The following ST7L variants were observed in gnomAD, a reference collection of about 807,000 sequenced individuals.
The protein encoded by ST7L is suppressor of tumorigenicity 7 protein-like.
A neutral mutation model predicts 72.5 loss-of-function variants in ST7L; 57 were observed. The ratio of observed to expected loss-of-function variants is 0.79; its 90% CI spans 0.64 to 0.98. The LOEUF is 0.98. Ranked by LOEUF, ST7L falls within the 50% of genes least tolerant of loss-of-function variation. The pLI, the probability that ST7L is intolerant of heterozygous loss-of-function variation, is 0.00. For missense variants in ST7L, 576 were observed against 672.2 expected, an observed-to-expected ratio of 0.86 and a Z score of 1.58; for synonymous variants, 221 against 240.9, an observed-to-expected ratio of 0.92 and a Z score of 0.77.
chr1:112,569,448 T>G (rs1661676608), intron 11 of ST7L, among the ~76,000 whole-genome samples: 1 of 152,210 alleles, frequency 6.6e-6, no homozygotes, highest in African/African-American at 2.4e-5. Flanking sequence ...AGGCCACTAT[T>G]ATACGATTCA....
At chr1:112,520,174 C>A (rs1247545249), downstream of ST7L, 3 of 1,152,890 alleles carry the variant, frequency 2.6e-6, no homozygotes, top group African/African-American at 1.5e-5. Context: ...CTGTGCCCAG[C>A]CCAAAAAAGC....
chr1:112,536,769 A>G (rs1475327993), intron 14 of ST7L, among the ~76,000 whole-genome samples: 3 of 152,126 alleles, frequency 2.0e-5, no homozygotes. Flanking sequence ...CATCATTGGC[A>G]TGTCCAACCA....
At chr1:112,579,034 TTA>T (rs1374168326) in intron 9 of ST7L, among the ~76,000 whole-genome samples, 1 of 152,086 alleles carries the variant, frequency 6.6e-6, no homozygotes, top group African/African-American at 2.4e-5. Flanking sequence ...CGAGATGAAA[TTA>T]TGTCTATGAA....
intron 2 of ST7L, among the ~76,000 whole-genome samples, chr1:112,615,463 C>G: frequency 6.6e-6 from 1 of 152,148 alleles, no homozygotes; most frequent in African/African-American, 2.4e-5. Context: ...CTTGAAAAAA[C>G]TGTAAGTTGA....
chr1:112,604,874 T>C (rs1302066249), intron 3 of ST7L, among the ~76,000 whole-genome samples: 1 of 115,144 alleles, frequency 8.7e-6, no homozygotes, highest in East Asian at 2.6e-4. Context: ...TCACCTGAGG[T>C]CAGGTGTTCA....
At position 112,576,985 on chromosome 1, in the gene ST7L, C is replaced by G. The variant is rs1663203206; in HGVS notation, c.1245+1G>C. On this transcript the variant is annotated splice_donor_variant, in intron 11 of 14. Transcript: ENST00000358039. LOFTEE classifies it high-confidence loss of function. Reference sequence around the variant, plus strand: ...AGTATTTTTATCATAAAATTTCTCACTTTTGGAACATGAGGATTAAATTCC... The same window carrying G: ...AGTATTTTTATCATAAAATTTCTCAGTTTTGGAACATGAGGATTAAATTCC... The G allele has an allele frequency of 1.9e-6, 3 of 1,594,258 alleles. No homozygotes were observed. Among genetic ancestry groups the G allele is most frequent in the Non-Finnish European group, 2.6e-6 (3 of 1,168,496 alleles).
chr1:112,571,489 T>C (rs7542820), intron 11 of ST7L: 55,307 of 243,518 alleles, frequency 0.23, 6,862 homozygotes, highest in Middle Eastern at 0.27. Context: ...TACAATGGCA[T>C]GATCTTGGCT....
chr1:112,586,368 G>C (rs1328620002), intron 6 of ST7L, among the ~76,000 whole-genome samples: 1 of 152,130 alleles, frequency 6.6e-6, no homozygotes, highest in East Asian at 1.9e-4. Context: ...TTAAGGCCAG[G>C]AGTTTGAGGT....
chr1:112,556,058 A>G (rs777345056), intron 11 of ST7L, 40 bp from the exon 12 acceptor site: 382 of 1,356,946 alleles, frequency 2.8e-4, no homozygotes, highest in Non-Finnish European at 3.6e-4. Context: ...ACACAACAGA[A>G]AAAAGAAAAA....
At chr1:112,556,477 TCTTA>T (rs1048203052) in intron 11 of ST7L, among the ~76,000 whole-genome samples, 19 of 152,330 alleles carry the variant, frequency 1.2e-4, no homozygotes, top group East Asian at 9.6e-4. Flanking sequence ...TTCTTTTTTC[TCTTA>T]CTTACATTTT....
intron 14 of ST7L, among the ~76,000 whole-genome samples, chr1:112,534,983 T>A (rs991787340): frequency 1.3e-5 from 2 of 152,188 alleles, no homozygotes; most frequent in African/African-American, 4.8e-5. Context: ...GTGAACCTCA[T>A]ACTTGACAGG....
chr1:112,544,848 T>A (rs1162547602), intron 13 of ST7L, among the ~76,000 whole-genome samples: 1 of 152,248 alleles, frequency 6.6e-6, no homozygotes, highest in Non-Finnish European at 1.5e-5. Context: ...GATTGCTTTC[T>A]GTAGATTCAT....
At chr1:112,598,206 A>G in intron 4 of ST7L, 120 bp from the exon 5 acceptor site, 1 of 597,600 alleles carries the variant, frequency 1.7e-6, no homozygotes, top group African/African-American at 1.9e-5. Flanking sequence ...AAAATCTTAC[A>G]ATCAGTAAAA....
chr1:112,520,275 C>A, downstream of ST7L: 1 of 1,613,088 alleles, frequency 6.2e-7, no homozygotes, highest in Non-Finnish European at 8.5e-7. Flanking sequence ...TCTTCCCCAA[C>A]CCAGGTTCCC....
intron 11 of ST7L, among the ~76,000 whole-genome samples, chr1:112,564,348 T>A (rs879601347): frequency 4.6e-5 from 7 of 152,232 alleles, no homozygotes; most frequent in Admixed American, 4.6e-4. Context: ...CAGTACAACA[T>A]AAGGGAAAGG....
At chr1:112,594,178 CAA>C (rs2101974145) in intron 5 of ST7L, among the ~76,000 whole-genome samples, 1 of 138,546 alleles carries the variant, frequency 7.2e-6, no homozygotes, top group South Asian at 2.4e-4. Context: ...CTGCTCACTG[CAA>C]AGATATGTTC....
intron 1 of ST7L, among the ~76,000 whole-genome samples, chr1:112,618,595 T>A (rs889855766): frequency 1.3e-5 from 2 of 152,130 alleles, no homozygotes; most frequent in Admixed American, 6.6e-5. Context: ...CAATATAAAT[T>A]ACGTATCCTA....
At chr1:112,520,777 A>G, downstream of ST7L, 1 of 509,406 alleles carries the variant, frequency 2.0e-6, no homozygotes, top group Non-Finnish European at 3.5e-6. Context: ...GGGGGTCTTT[A>G]GAGTGAAATG....
chr1:112,606,145 T>C (rs898573112), intron 3 of ST7L, among the ~76,000 whole-genome samples: 1 of 152,202 alleles, frequency 6.6e-6, no homozygotes, highest in African/African-American at 2.4e-5. Flanking sequence ...TGATATCAAA[T>C]AGTTGTTCAA....
Sources: allele counts gnomAD v4.1 joint callset (sites outside exome capture counted in the v4.1 genomes callset), GRCh38; gene constraint gnomAD v4.1.1; transcripts MANE v1.5; gene names NCBI Gene and HGNC (gene_info 2026-07-23, HGNC 2026-07-21).